The following CACNA2D3 variants were observed in gnomAD, a reference collection of about 807,000 sequenced individuals.
The protein encoded by CACNA2D3 is voltage-dependent calcium channel subunit alpha-2/delta-3.
A neutral mutation model predicts 160.6 loss-of-function variants in CACNA2D3; 60 were observed. That is an observed-to-expected ratio of 0.37 (90% CI 0.30 to 0.46). CACNA2D3 has a LOEUF of 0.46. Among genes scored for constraint, CACNA2D3 ranks in the 20% least tolerant of loss-of-function variants. The pLI is 1.00. For missense variants in CACNA2D3, 1,205 were observed against 1,365.0 expected (o/e 0.88, Z 1.85); for synonymous variants, 558 against 492.9 (o/e 1.13, Z -1.75).
At chr3:54,288,092 T>C (rs1703080290) in intron 2 of CACNA2D3, among the ~76,000 whole-genome samples, 1 of 151,514 alleles carries the variant, frequency 6.6e-6, no homozygotes, top group Non-Finnish European at 1.5e-5. Context: ...CTGAAGGAAA[T>C]AGAGACCCAA....
chr3:54,470,962 A>G (rs1193549526), intron 4 of CACNA2D3, among the ~76,000 whole-genome samples: 1 of 152,174 alleles, frequency 6.6e-6, no homozygotes, highest in Non-Finnish European at 1.5e-5. Context: ...CACAATAATA[A>G]TGAGAGACTT....
chr3:54,687,147 T>TTTTTTG (rs1700478300), intron 11 of CACNA2D3, among the ~76,000 whole-genome samples: 1 of 79,412 alleles, frequency 1.3e-5, no homozygotes, highest in African/African-American at 5.3e-5. Flanking sequence ...TTTTTTTTTT[T>TTTTTTG]TTTGTTTTTT....
intron 2 of CACNA2D3, among the ~76,000 whole-genome samples, chr3:54,290,680 C>G (rs879822327): frequency 1.1e-4 from 16 of 151,646 alleles, no homozygotes; most frequent in Non-Finnish European, 8.8e-5. Context: ...CAATGATAGA[C>G]TGGATTAAGA....
intron 14 of CACNA2D3, among the ~76,000 whole-genome samples, chr3:54,824,603 C>A (rs1703711112): frequency 6.6e-6 from 1 of 152,122 alleles, no homozygotes; most frequent in Non-Finnish European, 1.5e-5. Context: ...GGAGTGGAGG[C>A]CCCACCTGCC....
intron 9 of CACNA2D3, among the ~76,000 whole-genome samples, chr3:54,591,075 G>T (rs1426319772): frequency 1.3e-5 from 2 of 152,090 alleles, no homozygotes; most frequent in African/African-American, 4.8e-5. Flanking sequence ...CCTTAAACCA[G>T]TTTCCATTTT....
intron 14 of CACNA2D3, among the ~76,000 whole-genome samples, chr3:54,820,903 C>T (rs1188107467): frequency 3.3e-5 from 5 of 152,086 alleles, no homozygotes; most frequent in Admixed American, 6.6e-5. Context: ...TTTTTCTTCA[C>T]GTAGATTCTG....
chr3:54,475,809 T>TGTGTGTGTGTG (rs138448154), intron 4 of CACNA2D3, among the ~76,000 whole-genome samples: 2 of 142,726 alleles, frequency 1.4e-5, no homozygotes, highest in South Asian at 2.4e-4. Flanking sequence ...TGGTTACCAT[T>TGTGTGTGTGTG]TGTGTGTGTG....
chr3:54,194,370 G>T (rs1028912176), intron 2 of CACNA2D3, among the ~76,000 whole-genome samples: 3 of 152,120 alleles, frequency 2.0e-5, no homozygotes, highest in Admixed American at 2.0e-4. Context: ...TCGATTAAAA[G>T]TAGTTAAAAA....
chr3:54,623,267 C>T (rs1309194945), intron 9 of CACNA2D3, among the ~76,000 whole-genome samples: 1 of 152,218 alleles, frequency 6.6e-6, no homozygotes, highest in Admixed American at 6.5e-5. Context: ...AGGTGTGCAC[C>T]TCCCGTGCGG....
chr3:54,515,111 A>G (rs1701526603), intron 5 of CACNA2D3, among the ~76,000 whole-genome samples: 1 of 151,678 alleles, frequency 6.6e-6, no homozygotes, highest in Non-Finnish European at 1.5e-5. Context: ...AAAGGTCCCA[A>G]AGGTGCCCAG....
intron 2 of CACNA2D3, among the ~76,000 whole-genome samples, chr3:54,204,796 GAAAAAA>G (rs57129457): frequency 2.0e-4 from 15 of 74,076 alleles, no homozygotes; most frequent in African/African-American, 3.6e-4. Context: ...ATGCTGTCTT[GAAAAAA>G]AAAAAAAAAA....
intron 2 of CACNA2D3, among the ~76,000 whole-genome samples, chr3:54,282,434 C>T (rs1702903311): frequency 2.0e-5 from 3 of 152,200 alleles, no homozygotes; most frequent in African/African-American, 7.2e-5. Flanking sequence ...AGGAAAGATG[C>T]GTCAAGGTAG....
intron 13 of CACNA2D3, among the ~76,000 whole-genome samples, chr3:54,798,849 T>C (rs922221286): frequency 1.3e-5 from 2 of 152,232 alleles, no homozygotes; most frequent in Non-Finnish European, 1.5e-5. Context: ...ATGTTCTGTC[T>C]TGGGACATGT....
At chr3:54,500,555 T>TCCTTCC (rs1553701147) in intron 4 of CACNA2D3, among the ~76,000 whole-genome samples, 1 of 148,234 alleles carries the variant, frequency 6.7e-6, no homozygotes, top group African/African-American at 2.5e-5. Context: ...CTTCCTTCCT[T>TCCTTCC]TCTCTCTCTT....
chr3:54,378,006 C>T (rs902613198), intron 3 of CACNA2D3, among the ~76,000 whole-genome samples: 6 of 152,160 alleles, frequency 3.9e-5, no homozygotes, highest in Admixed American at 3.9e-4. Flanking sequence ...ACCTTCAATA[C>T]TCTGCCATGG....
At chr3:54,194,635 C>G (rs980135505) in intron 2 of CACNA2D3, among the ~76,000 whole-genome samples, 1 of 152,162 alleles carries the variant, frequency 6.6e-6, no homozygotes, top group Non-Finnish European at 1.5e-5. Context: ...AATTTATTTT[C>G]TCATAGTTCT....
chr3:54,460,485 C>G, intron 4 of CACNA2D3, among the ~76,000 whole-genome samples: 1 of 152,132 alleles, frequency 6.6e-6, no homozygotes, highest in Non-Finnish European at 1.5e-5. Flanking sequence ...TGAAGAGGTC[C>G]TTCACATCCC....
intron 18 of CACNA2D3, among the ~76,000 whole-genome samples, chr3:54,877,877 C>T (rs912527213): frequency 1.3e-5 from 2 of 152,098 alleles, no homozygotes; most frequent in African/African-American, 2.4e-5. Context: ...AAAGATAAAT[C>T]GAGCCGTTCT....
intron 13 of CACNA2D3, among the ~76,000 whole-genome samples, chr3:54,790,699 C>T (rs1265781517): frequency 6.6e-6 from 1 of 152,152 alleles, no homozygotes; most frequent in South Asian, 2.1e-4. Context: ...CTAGAGCCCA[C>T]CTTCCAAGTT....
Sources: allele counts gnomAD v4.1 joint callset (sites outside exome capture counted in the v4.1 genomes callset), GRCh38; gene constraint gnomAD v4.1.1; transcripts MANE v1.5; gene names NCBI Gene and HGNC (gene_info 2026-07-23, HGNC 2026-07-21).